MBTD1: variants seen among roughly 807,000 people sequenced by gnomAD.
MBTD1 encodes MBT domain-containing protein 1.
Under a neutral mutation model 87.8 loss-of-function variants are expected in MBTD1, and 24 were observed. The observed-to-expected ratio is 0.27, with a 90% CI of 0.20 to 0.38. MBTD1 has a LOEUF of 0.38. Ranked by LOEUF, MBTD1 falls within the 10% of genes least tolerant of loss-of-function variation. The probability of loss-of-function intolerance (pLI) is 1.00; values close to 1 mark genes in which losing one functional copy is unlikely to be tolerated. For synonymous variants in MBTD1, 237 were observed against 248.6 expected (o/e 0.95, Z 0.44); for missense variants, 436 against 760.2 (o/e 0.57, Z 5.02).
chr17:51,217,275 C>A lies in MBTD1; in HGVS notation c.486+59G>T, dbSNP rs1280908545. Reference sequence around the variant, plus strand: ...GATAAGATGCTTAGGTGTTATTGTACCTTCAGATTTAAACAATGACTAAGT... The same window carrying A: ...GATAAGATGCTTAGGTGTTATTGTAACTTCAGATTTAAACAATGACTAAGT... On this transcript the variant is annotated intron_variant, in intron 6 of 16. Transcript: ENST00000586178. 9.4e-6 allele frequency: 9 copies of A among 956,770 alleles called. No individual in the cohort carries two copies. The East Asian group carries it at 2.3e-4, about 24-fold the overall frequency. The allele number at this position is 956,770 out of a possible 1,614,324, so 59.3% of individuals were successfully genotyped here.
intron 5 of MBTD1, among the ~76,000 whole-genome samples, chr17:51,218,523 T>TG (rs1443901708): frequency 8.8e-6 from 1 of 113,174 alleles, no homozygotes; most frequent in African/African-American, 3.1e-5. Flanking sequence ...AGCAAGACTC[T>TG]GTCTCCAAAA....
chr17:51,189,974 G>A (rs530938893), intron 16 of MBTD1, among the ~76,000 whole-genome samples: 14 of 152,320 alleles, frequency 9.2e-5, no homozygotes, highest in Middle Eastern at 6.8e-3. Context: ...GCCTATAAAC[G>A]AGAGGTCAAG....
At position 51,179,484 on chromosome 17, in the gene MBTD1, T is replaced by TATATATATATATA. The variant is rs60957699; in HGVS notation, c.*1091_*1092insTATATATATATAT. ...ATCCTGAATACAATTAAAGACAATT[T>TATATATATATATA]TATATATATATATATATATATATAT... On this transcript the variant is annotated 3_prime_UTR_variant, in exon 17 of 17. Transcript: ENST00000586178. 3.1e-4 allele frequency: 11 copies of TATATATATATATA among 35,302 alleles called. No individual in the cohort carries two copies. Among genetic ancestry groups the TATATATATATATA allele is most frequent in the Admixed American group, 4.5e-4 (1 of 2,212 alleles). The allele number at this position is 35,302 out of a possible 1,614,324, so 2.2% of individuals were successfully genotyped here. A position where few individuals can be genotyped will look rare whatever the true frequency, so the allele number is the denominator to read the frequency against.
intron 2 of MBTD1, among the ~76,000 whole-genome samples, chr17:51,235,722 G>A (rs1175377770): frequency 1.3e-5 from 2 of 152,128 alleles, no homozygotes; most frequent in African/African-American, 2.4e-5. Flanking sequence ...TTATTAAAAT[G>A]TCAGTCCTTC....
At chr17:51,255,721 C>T (rs180919724) in intron 2 of MBTD1, among the ~76,000 whole-genome samples, 1 of 152,124 alleles carries the variant, frequency 6.6e-6, no homozygotes, top group African/African-American at 2.4e-5. Context: ...ACCTCTGCCC[C>T]CGAGTAGCTG....
chr17:51,234,602 T>A (rs2053729204), intron 2 of MBTD1, among the ~76,000 whole-genome samples: 1 of 152,168 alleles, frequency 6.6e-6, no homozygotes, highest in Non-Finnish European at 1.5e-5. Context: ...AAAAACTAAA[T>A]TTGTTAAAGA....
At chr17:51,251,117 A>T (rs2054754245) in intron 2 of MBTD1, 1 of 151,898 alleles carries the variant, frequency 6.6e-6, no homozygotes, top group East Asian at 1.9e-4. Context: ...CATTGTGTCA[A>T]TTTTTTCCTG....
intron 2 of MBTD1, among the ~76,000 whole-genome samples, chr17:51,237,190 G>A (rs1378739660): frequency 6.6e-6 from 1 of 151,598 alleles, no homozygotes; most frequent in Admixed American, 6.6e-5. Flanking sequence ...CAGCTACTCG[G>A]GAGGCTGAGG....
rs1022791698 is a variant in MBTD1, at chr17:51,179,292, C to T, written c.*1284G>A. 4.0e-5 allele frequency: 6 copies of T among 150,626 alleles called. No individual in the cohort carries two copies. The highest frequency in any genetic ancestry group is 1.5e-4 in the African/African-American group (6 of 41,058). 9.3% of individuals were successfully genotyped at this position (150,626 alleles called of 1,614,324 possible). On this transcript the variant is annotated 3_prime_UTR_variant, in exon 17 of 17. Transcript: ENST00000586178. Reference sequence around the variant, plus strand: ...AGTTTATGAACCTCACTGGTAAACGCTAGAGCGCTCTCATTCAGTCACAAC... The same window carrying T: ...AGTTTATGAACCTCACTGGTAAACGTTAGAGCGCTCTCATTCAGTCACAAC...
Position 51,177,785 on chromosome 17 carries a change from A to G in MBTD1, c.*2791T>C, listed in dbSNP as rs1432159230. ...CCAGGGACAGATGCTTTTCTTTTGT[A>G]TAAATGACTGTGGCTTTATTTAAAA... On this transcript the variant is annotated 3_prime_UTR_variant, in exon 17 of 17. Coordinates refer to ENST00000586178, the MANE Select transcript of MBTD1 (RefSeq NM_017643.3). 6.6e-6 allele frequency: 1 copy of G among 152,218 alleles called. No individual in the cohort carries two copies. The highest frequency in any genetic ancestry group is 2.4e-5 in the African/African-American group (1 of 41,458). The allele number at this position is 152,218 out of a possible 1,614,324, so 9.4% of individuals were successfully genotyped here.
chr17:51,207,882 A>C (rs540900148), intron 6 of MBTD1, among the ~76,000 whole-genome samples: 1 of 152,338 alleles, frequency 6.6e-6, no homozygotes, highest in African/African-American at 2.4e-5. Context: ...TGATAACACT[A>C]AACAGTTTGT....
At chr17:51,214,076 C>T (rs1209521089) in intron 6 of MBTD1, among the ~76,000 whole-genome samples, 1 of 151,774 alleles carries the variant, frequency 6.6e-6, no homozygotes, top group Non-Finnish European at 1.5e-5. Context: ...TATAAACACA[C>T]ACATATATAT....
chr17:51,204,020 G>A (rs1249199588), intron 7 of MBTD1, 95 bp from the exon 8 acceptor site: 3 of 943,114 alleles, frequency 3.2e-6, no homozygotes, highest in East Asian at 5.1e-5. Flanking sequence ...GTGTCTATCT[G>A]CAATACAATC....
At chr17:51,231,298 T>C (rs1008623985) in intron 2 of MBTD1, among the ~76,000 whole-genome samples, 3 of 152,182 alleles carry the variant, frequency 2.0e-5, no homozygotes, top group Non-Finnish European at 4.4e-5. Flanking sequence ...CCAACTTGGT[T>C]AGCAGCTAAT....
intron 4 of MBTD1, among the ~76,000 whole-genome samples, chr17:51,219,472 T>C (rs955041042): frequency 1.3e-5 from 2 of 152,200 alleles, no homozygotes; most frequent in Non-Finnish European, 1.5e-5. Flanking sequence ...ATACCTTTAG[T>C]GCTAACGCAA....
chr17:51,197,578 G>A (rs1207013909), intron 12 of MBTD1, among the ~76,000 whole-genome samples: 3 of 150,760 alleles, frequency 2.0e-5, no homozygotes, highest in East Asian at 1.9e-4. Context: ...TACAATCATG[G>A]CTCACTGCAG....
chr17:51,209,701 C>T (rs114888964), intron 6 of MBTD1, among the ~76,000 whole-genome samples: 261 of 152,264 alleles, frequency 1.7e-3, no homozygotes, highest in African/African-American at 5.9e-3. Context: ...CAAAGACAAC[C>T]ATACAATCTT....
chr17:51,222,001 A>G (rs2052927222), intron 3 of MBTD1, among the ~76,000 whole-genome samples: 1 of 152,174 alleles, frequency 6.6e-6, no homozygotes, highest in Non-Finnish European at 1.5e-5. Context: ...AGAAAACTAA[A>G]CGGTTTTCTG....
chr17:51,202,111 A>C (rs772281112), intron 10 of MBTD1, 34 bp from the exon 11 acceptor site: 1 of 1,409,498 alleles, frequency 7.1e-7, no homozygotes, highest in Non-Finnish European at 1.0e-6. Context: ...ATCTGTCAGC[A>C]TTTGTGAGAA....
Sources: gnomAD v4.1 joint callset for allele counts (sites outside exome capture counted in the v4.1 genomes callset) on GRCh38, gnomAD v4.1.1 for gene constraint, MANE v1.5 for transcripts, NCBI Gene and HGNC (gene_info 2026-07-23, HGNC 2026-07-21) for gene names.